Variants in EXT2 observed in about 807,000 individuals in gnomAD.
The protein encoded by EXT2 is exostosin-2.
In EXT2, 53 loss-of-function variants were observed where a neutral mutation model predicts 81.6. That is an observed-to-expected ratio of 0.65 (90% CI 0.52 to 0.82). The LOEUF (loss-of-function observed/expected upper bound fraction) is 0.82, where lower values mean the gene tolerates loss of function less well. Among genes scored for constraint, EXT2 ranks in the 40% least tolerant of loss-of-function variants. The pLI is 0.00. For missense variants in EXT2, 774 were observed against 910.2 expected (o/e 0.85, Z 1.93); for synonymous variants, 320 against 340.0 (o/e 0.94, Z 0.65).
chr11:44,192,169 C>A (rs1955400202), intron 8 of EXT2, among the ~76,000 whole-genome samples: 1 of 152,176 alleles, frequency 6.6e-6, no homozygotes, highest in South Asian at 2.1e-4. Context: ...GTCTTGTCAG[C>A]AAATCTTTGC....
chr11:44,160,871 T>G (rs567642317), intron 7 of EXT2, among the ~76,000 whole-genome samples: 1 of 152,354 alleles, frequency 6.6e-6, no homozygotes, highest in South Asian at 2.1e-4. Flanking sequence ...GGTTTTTAGC[T>G]GATTCTTTAG....
chr11:44,243,389 C>A (rs1051798963), intron 13 of EXT2, among the ~76,000 whole-genome samples: 2 of 152,192 alleles, frequency 1.3e-5, no homozygotes, highest in African/African-American at 4.8e-5. Context: ...AGCCTCTCCC[C>A]TCCTCTGGCG....
At chr11:44,098,731 A>G (rs1457512504) in intron 1 of EXT2, among the ~76,000 whole-genome samples, 2 of 151,306 alleles carry the variant, frequency 1.3e-5, no homozygotes, top group Non-Finnish European at 2.9e-5. Flanking sequence ...GGGGAAAGTA[A>G]TGGTGCTCTT....
At chr11:44,163,423 C>T (rs1459784058) in intron 7 of EXT2, among the ~76,000 whole-genome samples, 1 of 152,238 alleles carries the variant, frequency 6.6e-6, no homozygotes, top group East Asian at 1.9e-4. Flanking sequence ...GGACACCAGA[C>T]TCCCTGCTCT....
Position 44,114,287 on chromosome 11 carries a change from A to G in EXT2, c.729A>G (p.Pro243=). ...CACTGTCAGCTGAGGTGGATCTTCCAGAGAAAGGACCAGGGTAAGGTACAT... is the reference window on the plus strand; with the variant it reads ...CACTGTCAGCTGAGGTGGATCTTCCGGAGAAAGGACCAGGGTAAGGTACAT... ...YSPLSAEVDL[P]EKGPGPRQYF... Residue 243 remains proline, a synonymous_variant, in exon 4 of 14, where the codon CCA becomes CCG. Coordinates refer to ENST00000533608, the MANE Select transcript of EXT2 (RefSeq NM_207122.2). 1 of 1,613,836 alleles carries G rather than the reference A, an allele frequency of 6.2e-7. No individual in the cohort carries two copies. Among genetic ancestry groups the G allele is most frequent in the Non-Finnish European group, 8.5e-7 (1 of 1,179,728 alleles).
chr11:44,103,338 A>T (rs541351720), intron 1 of EXT2, among the ~76,000 whole-genome samples: 7 of 152,282 alleles, frequency 4.6e-5, no homozygotes, highest in African/African-American at 1.7e-4. Context: ...AAAAAAACAC[A>T]GTTGGATTAT....
chr11:44,156,203 G>A (rs1954853283), intron 7 of EXT2, among the ~76,000 whole-genome samples: 1 of 152,044 alleles, frequency 6.6e-6, no homozygotes, highest in Non-Finnish European at 1.5e-5. Flanking sequence ...ACTTGAGATA[G>A]TCTTCTTTGG....
rs977781526 is a variant in EXT2 at position 44,220,772 on chromosome 11, G to A, written c.1663-11581G>A. Among the ~76,000 whole-genome samples, 1 of 152,128 alleles carries A rather than the reference G, an allele frequency of 6.6e-6. No homozygotes were observed. The highest frequency in any genetic ancestry group is 2.4e-5 in the African/African-American group (1 of 41,420). The stretch of plus-strand genomic sequence containing the variant: ...AGAGAAAATAGTTCATGTGTGCCAC[G>A]GCTGCAGCAAGTGCTGCTGAAAGAA... On this transcript the variant is annotated intron_variant, in intron 10 of 13. Transcript: ENST00000533608. The surrounding 1 kb of genome is among the most constrained non-coding windows in gnomAD (Gnocchi z 4.4).
chr11:44,123,417 A>T (rs113136154), intron 4 of EXT2, among the ~76,000 whole-genome samples: 2 of 152,208 alleles, frequency 1.3e-5, no homozygotes, highest in African/African-American at 4.8e-5. Context: ...GCTGGATTTC[A>T]GTGTGTGCTG....
chr11:44,183,851 A>T (rs1955271189), intron 8 of EXT2, among the ~76,000 whole-genome samples: 1 of 151,868 alleles, frequency 6.6e-6, no homozygotes, highest in Non-Finnish European at 1.5e-5. Flanking sequence ...TCCTTCTTTT[A>T]TATCTTTAAT....
At chr11:44,158,636 A>G (rs1954888573) in intron 7 of EXT2, among the ~76,000 whole-genome samples, 1 of 151,150 alleles carries the variant, frequency 6.6e-6, no homozygotes, top group Admixed American at 6.6e-5. Context: ...AAATTAATTT[A>G]ATTTTAATAA....
At chr11:44,232,244 T>C (rs1054902330) in intron 10 of EXT2, 109 bp from the exon 11 acceptor site, 10 of 1,428,800 alleles carry the variant, frequency 7.0e-6, no homozygotes, top group Non-Finnish European at 9.8e-6. Context: ...CCTTCTTAGG[T>C]TATGATGGTT....
chr11:44,134,053 G>T lies in EXT2; in HGVS notation c.1173+3915G>T, dbSNP rs549006194. Among the ~76,000 whole-genome samples, 7 of 152,350 alleles carry T rather than the reference G, an allele frequency of 4.6e-5. No homozygotes were observed. The East Asian group carries it at 9.6e-4, about 21-fold the overall frequency. ...ACTTTTGAAAAAAAGTACAACCTGTGTCTCTGGTATCTATTCCTGAAGGCC... is the reference window on the plus strand; with the variant it reads ...ACTTTTGAAAAAAAGTACAACCTGTTTCTCTGGTATCTATTCCTGAAGGCC... On this transcript the variant is annotated intron_variant, in intron 7 of 13. Coordinates refer to ENST00000533608, the MANE Select transcript of EXT2 (RefSeq NM_207122.2).
Position 44,251,253 on chromosome 11 carries a change from A to G in EXT2, c.*6966A>G, listed in dbSNP as rs1956135865. 6.6e-6 allele frequency among the ~76,000 whole-genome samples: 1 copy of G among 152,128 alleles called. No individual in the cohort carries two copies. The highest frequency in any genetic ancestry group is 1.5e-5 in the Non-Finnish European group (1 of 68,036). On this transcript the variant is annotated 3_prime_UTR_variant, in exon 14 of 14. Transcript: ENST00000533608. ...ACCCTGGCCCTTCTTTGGAAGTCAT[A>G]ATGATGAATATCCATTAATAAGAGA...
intron 7 of EXT2, among the ~76,000 whole-genome samples, chr11:44,137,305 C>T (rs1954584961): frequency 6.6e-6 from 1 of 152,176 alleles, no homozygotes; most frequent in South Asian, 2.1e-4. Flanking sequence ...GACTGATTTG[C>T]AGTTGTTTTG....
At chr11:44,176,850 G>T (rs1186379805) in intron 8 of EXT2, among the ~76,000 whole-genome samples, 1 of 151,066 alleles carries the variant, frequency 6.6e-6, no homozygotes, top group Non-Finnish European at 1.5e-5. Context: ...CACAGAGCTT[G>T]CTCAGACTGG....
chr11:44,243,347 T>A (rs1453264454), intron 13 of EXT2, among the ~76,000 whole-genome samples: 3 of 152,278 alleles, frequency 2.0e-5, no homozygotes, highest in Admixed American at 2.0e-4. Context: ...CTGAGAAGGC[T>A]GACTTTGGGG....
intron 1 of EXT2, among the ~76,000 whole-genome samples, chr11:44,106,175 G>C (rs180911913): frequency 7.9e-5 from 12 of 152,302 alleles, no homozygotes; most frequent in African/African-American, 2.9e-4. Flanking sequence ...TAGATTCATG[G>C]GGAAGGGACA....
rs1954086080 is a variant in EXT2, at chr11:44,108,106, G to A, written c.394G>A (p.Glu132Lys). 6.2e-7 allele frequency: 1 copy of A among 1,614,182 alleles called. No individual in the cohort carries two copies. Among genetic ancestry groups the A allele is most frequent in the Non-Finnish European group, 8.5e-7 (1 of 1,180,036 alleles). ...CAACACCATCTCCCGGGAGTATAATGAACTGCTCATGGCCATCTCAGACAG... is the reference window on the plus strand; with the variant it reads ...CAACACCATCTCCCGGGAGTATAATAAACTGCTCATGGCCATCTCAGACAG... ...VSNTISREYN[E>K]LLMAISDSDY... Residue 132 changes from glutamate (E) to lysine (K), a missense_variant, in exon 2 of 14, where the codon GAA (glutamate) becomes AAA (lysine). Glu to Lys is a moderately conservative substitution (Grantham distance 56). Transcript: ENST00000533608.
Sources: allele counts gnomAD v4.1 joint callset (sites outside exome capture counted in the v4.1 genomes callset), GRCh38; gene constraint gnomAD v4.1.1; non-coding constraint Gnocchi (gnomAD v3.1); transcripts MANE v1.5; gene names NCBI Gene and HGNC (gene_info 2026-07-23, HGNC 2026-07-21).